PTPRD: variants seen among roughly 807,000 people sequenced by gnomAD.
The protein encoded by PTPRD is protein tyrosine phosphatase receptor type D.
Under a neutral mutation model 214.5 loss-of-function variants are expected in PTPRD, and 34 were observed. The ratio of observed to expected loss-of-function variants is 0.16; its 90% CI spans 0.12 to 0.21. PTPRD has a LOEUF of 0.21. Among genes scored for constraint, PTPRD ranks in the 10% least tolerant of loss-of-function variants. The pLI is 1.00. For missense variants in PTPRD, 2,545 were observed against 2,398.7 expected (o/e 1.06, Z -1.27); for synonymous variants, 1,128 against 845.7 (o/e 1.33, Z -5.79).
rs889798504 is a variant in PTPRD at position 9,122,072 on chromosome 9, T to C, written c.-143+61232A>G. Among the ~76,000 whole-genome samples, 6 of 152,104 alleles carry C rather than the reference T, an allele frequency of 3.9e-5. No individual in the cohort carries two copies. In the East Asian group the frequency reaches 1.2e-3, roughly 29 times the overall value. On this transcript the variant is annotated intron_variant, in intron 10 of 45. Transcript: ENST00000381196. ...CATAAAAGGTACTAGCCATTTATGA[T>C]AGAAAACAAAAAAAGTAGATCCTTG...
At chr9:9,843,174 G>A (rs942210442) in intron 5 of PTPRD, among the ~76,000 whole-genome samples, 1 of 151,942 alleles carries the variant, frequency 6.6e-6, no homozygotes, top group African/African-American at 2.4e-5. Context: ...TATTCCCTAG[G>A]CATTTACAGA....
intron 5 of PTPRD, among the ~76,000 whole-genome samples, chr9:9,917,360 AGTCACAATGGAGATCACAGGAATAC>A (rs1566288558): frequency 6.7e-6 from 1 of 149,534 alleles, no homozygotes. Context: ...ATAAAATCAA[AGTCACAATGGAGATCACAGGAATAC>A]AAAACATTAT....
chr9:9,833,664 A>G (rs2055727710), intron 5 of PTPRD, among the ~76,000 whole-genome samples: 1 of 119,396 alleles, frequency 8.4e-6, no homozygotes, highest in South Asian at 2.9e-4. Flanking sequence ...CAACCATAAG[A>G]GACAGGTACG....
In PTPRD at chr9:9,261,305, C is replaced by T. The variant is rs1192098150; in HGVS notation, c.-202-77942G>A. ...AGAATGTTTATTTTATTTTATGGGA[C>T]CACACGTTAAAATACCTCCTATTTC... On this transcript the variant is annotated intron_variant, in intron 9 of 45. Coordinates refer to ENST00000381196, the MANE Select transcript of PTPRD (RefSeq NM_002839.4). Among the ~76,000 whole-genome samples, 3 of 151,678 alleles carry T rather than the reference C, an allele frequency of 2.0e-5. No individual in the cohort carries two copies. In the East Asian group the frequency reaches 5.9e-4, roughly 30 times the overall value.
chr9:10,044,097 T>C (rs777311897), intron 3 of PTPRD, among the ~76,000 whole-genome samples: 3 of 151,720 alleles, frequency 2.0e-5, no homozygotes, highest in Non-Finnish European at 4.4e-5. Context: ...GGGAAGTTGT[T>C]TCTTGTTCAA....
chr9:9,733,366 A>G (rs1328196516), intron 7 of PTPRD, among the ~76,000 whole-genome samples: 1 of 152,194 alleles, frequency 6.6e-6, no homozygotes, highest in Non-Finnish European at 1.5e-5. Context: ...GAGATCTGAT[A>G]TACAACTTTA....
chr9:8,698,690 C>T (rs2154391795), intron 12 of PTPRD, among the ~76,000 whole-genome samples: 1 of 152,256 alleles, frequency 6.6e-6, no homozygotes, highest in African/African-American at 2.4e-5. Flanking sequence ...GGTGAAACTG[C>T]CTGAAAACTG....
At chr9:8,888,717 G>T (rs1178844919) in intron 11 of PTPRD, among the ~76,000 whole-genome samples, 2 of 152,192 alleles carry the variant, frequency 1.3e-5, no homozygotes, top group Non-Finnish European at 2.9e-5. Flanking sequence ...AGCTAATGGT[G>T]TGTGTGAAGA....
chr9:8,449,545 C>T (rs1003106837), intron 34 of PTPRD, among the ~76,000 whole-genome samples, 180 bp downstream of exon 34: 1 of 152,198 alleles, frequency 6.6e-6, no homozygotes, highest in Admixed American at 6.5e-5. Flanking sequence ...TTCCGGTTTG[C>T]AGAAAGAACT....
At chr9:8,545,501 T>C (rs1223088774) in intron 14 of PTPRD, among the ~76,000 whole-genome samples, 1 of 152,212 alleles carries the variant, frequency 6.6e-6, no homozygotes, top group African/African-American at 2.4e-5. Flanking sequence ...CCATGTATCT[T>C]GATAAAACGT....
intron 6 of PTPRD, among the ~76,000 whole-genome samples, chr9:9,765,540 G>A (rs1483035495): frequency 6.6e-6 from 1 of 152,200 alleles, no homozygotes; most frequent in African/African-American, 2.4e-5. Context: ...AGCTGATGTA[G>A]AGAAGTTTTA....
intron 2 of PTPRD, among the ~76,000 whole-genome samples, chr9:10,523,133 T>TGGTA (rs2052928084): frequency 6.6e-6 from 1 of 151,952 alleles, no homozygotes; most frequent in African/African-American, 2.4e-5. Flanking sequence ...AAAATCAGAG[T>TGGTA]GGTAGGTCTT....
At chr9:9,658,514 CTGTT>C (rs1000616924) in intron 7 of PTPRD, among the ~76,000 whole-genome samples, 94 of 152,182 alleles carry the variant, frequency 6.2e-4, no homozygotes, top group African/African-American at 2.1e-3. Flanking sequence ...AGTTTGATAA[CTGTT>C]TGTAAAGCTA....
At chr9:8,611,391 A>T (rs898020864) in intron 14 of PTPRD, among the ~76,000 whole-genome samples, 2 of 152,158 alleles carry the variant, frequency 1.3e-5, no homozygotes, top group African/African-American at 4.8e-5. Context: ...GGGGTAAAGG[A>T]TGGAAAGAAA....
At chr9:9,774,506 G>A (rs2098780654) in intron 5 of PTPRD, among the ~76,000 whole-genome samples, 4 of 152,128 alleles carry the variant, frequency 2.6e-5, no homozygotes. Context: ...TCCTTACTAG[G>A]AATTGTAGTT....
intron 44 of PTPRD, among the ~76,000 whole-genome samples, chr9:8,327,439 G>GTGTT (rs1164076721): frequency 6.6e-6 from 1 of 151,954 alleles, no homozygotes; most frequent in East Asian, 1.9e-4. Context: ...TTGCTGAGGA[G>GTGTT]TGTTTTACTT....
intron 2 of PTPRD, among the ~76,000 whole-genome samples, chr9:10,348,726 C>T (rs915254580): frequency 8.6e-5 from 13 of 152,018 alleles, no homozygotes; most frequent in African/African-American, 1.9e-4. Flanking sequence ...TACGGAACTT[C>T]GATATATGTG....
chr9:10,167,118 G>A (rs537168527), intron 3 of PTPRD, among the ~76,000 whole-genome samples: 3 of 134,752 alleles, frequency 2.2e-5, no homozygotes, highest in Admixed American at 1.5e-4. Flanking sequence ...TATAAAAGTA[G>A]ACCTTTTTTT....
At position 10,450,986 on chromosome 9, in the gene PTPRD, T is replaced by C. The variant is rs977293561; in HGVS notation, c.-599-109969A>G. On this transcript the variant is annotated intron_variant, in intron 2 of 45. Transcript: ENST00000381196. ...AACCCATATTGCTAGCAATCCTACA[T>C]GTAACTCACTAGAGGGTTTGTAAAT... Among the ~76,000 whole-genome samples the C allele has an allele frequency of 7.2e-5, 11 of 152,008 alleles. 1 individual carries two copies. Among genetic ancestry groups the C allele is most frequent in the African/African-American group, 2.7e-4 (11 of 41,286 alleles).
Sources: gnomAD v4.1 joint callset for allele counts (sites outside exome capture counted in the v4.1 genomes callset) on GRCh38, gnomAD v4.1.1 for gene constraint, MANE v1.5 for transcripts, NCBI Gene and HGNC (gene_info 2026-07-23, HGNC 2026-07-21) for gene names.